SPON1: variants seen among roughly 807,000 people sequenced by gnomAD.
SPON1 encodes the protein spondin-1.
SPON1 carries 52 observed loss-of-function variants against 111.7 expected under a neutral mutation model. That is an observed-to-expected ratio of 0.47 (90% CI 0.37 to 0.59). The LOEUF is 0.59. Among genes scored for constraint, SPON1 ranks in the 20% least tolerant of loss-of-function variants. The pLI is 0.00. For synonymous variants in SPON1, 410 were observed against 395.8 expected, an observed-to-expected ratio of 1.04 and a Z score of -0.43; for missense variants, 957 against 1,068.5, an observed-to-expected ratio of 0.90 and a Z score of 1.46.
chr11:14,192,374 T>C (rs1848355592), intron 6 of SPON1, among the ~76,000 whole-genome samples: 1 of 152,180 alleles, frequency 6.6e-6, no homozygotes. Flanking sequence ...AGATGCTCCA[T>C]AAATATTTGT....
intron 3 of SPON1, among the ~76,000 whole-genome samples, chr11:14,055,201 C>G (rs11023068): frequency 6.6e-6 from 1 of 152,172 alleles, no homozygotes; most frequent in Non-Finnish European, 1.5e-5. Context: ...TCCTATCTTT[C>G]TATTTGTTTC....
chr11:14,172,340 G>C lies in SPON1; in HGVS notation c.825+36772G>C, dbSNP rs1324127871. Among the ~76,000 whole-genome samples, 3 of 151,724 alleles carry C rather than the reference G, an allele frequency of 2.0e-5. No homozygotes were observed. The East Asian group carries it at 5.8e-4, about 29-fold the overall frequency. On this transcript the variant is annotated intron_variant, in intron 6 of 15. Coordinates refer to ENST00000576479, the MANE Select transcript of SPON1 (RefSeq NM_006108.4). ...CCCTGCCTTTTTTTGTTTTCCATTT[G>C]CTTGGTAGATCTTCCTCCATCCCTT...
At chr11:14,027,448 T>C (rs1348788018) in intron 2 of SPON1, among the ~76,000 whole-genome samples, 3 of 152,184 alleles carry the variant, frequency 2.0e-5, no homozygotes, top group East Asian at 1.9e-4. Context: ...GAAAACACCA[T>C]CCCTTCTCAG....
At chr11:14,086,852 A>T (rs1210723336) in intron 5 of SPON1, among the ~76,000 whole-genome samples, 1 of 152,114 alleles carries the variant, frequency 6.6e-6, no homozygotes, top group African/African-American at 2.4e-5. Flanking sequence ...CAGGGATTCA[A>T]CTTCTTCCTG....
At chr11:14,065,358 A>T (rs1554920263) in intron 3 of SPON1, among the ~76,000 whole-genome samples, 1 of 152,130 alleles carries the variant, frequency 6.6e-6, no homozygotes, top group East Asian at 1.9e-4. Flanking sequence ...ACTTGCATGA[A>T]CCCAGCCAAG....
intron 5 of SPON1, chr11:14,134,838 C>T (rs1290280033): frequency 1.3e-5 from 2 of 152,232 alleles, no homozygotes; most frequent in Non-Finnish European, 2.9e-5. Context: ...ACTCCTGAAG[C>T]ATTTAGAGCA....
chr11:14,025,769 G>C (rs1240377924), intron 2 of SPON1, among the ~76,000 whole-genome samples: 1 of 152,164 alleles, frequency 6.6e-6, no homozygotes, highest in East Asian at 1.9e-4. Flanking sequence ...AGTAGGACTA[G>C]TCCAGGAACA....
At chr11:14,024,789 A>G (rs1226053876) in intron 2 of SPON1, among the ~76,000 whole-genome samples, 3 of 152,194 alleles carry the variant, frequency 2.0e-5, no homozygotes, top group Non-Finnish European at 4.4e-5. Context: ...TTCTCTACCC[A>G]GGGCTTCCCT....
rs985745107 is a variant in SPON1 at position 13,994,288 on chromosome 11, T to C, written c.345+11335T>C. ...TTTTTAAAACTGCCATTCACTATTA[T>C]AAATAATGGAGTAGAAACAGTTTCT... On this transcript the variant is annotated intron_variant, in intron 2 of 15. Coordinates refer to ENST00000576479, the MANE Select transcript of SPON1 (RefSeq NM_006108.4). Among the ~76,000 whole-genome samples, 64 of 152,244 alleles carry C rather than the reference T, an allele frequency of 4.2e-4. 1 individual carries two copies. Among genetic ancestry groups the C allele is most frequent in the Admixed American group, 2.9e-3 (45 of 15,288 alleles).
chr11:14,077,110 A>G (rs1029387749), intron 4 of SPON1, among the ~76,000 whole-genome samples: 1 of 152,178 alleles, frequency 6.6e-6, no homozygotes, highest in Non-Finnish European at 1.5e-5. Flanking sequence ...AATGCCTTAG[A>G]CAAGTCTTCA....
intron 2 of SPON1, among the ~76,000 whole-genome samples, chr11:13,989,169 G>A (rs61597781): frequency 2.0e-4 from 30 of 152,028 alleles, no homozygotes; most frequent in African/African-American, 6.0e-4. Flanking sequence ...CTGTGAATCC[G>A]TCTGGTCCTG....
chr11:14,261,029 A>G (rs1443976167), intron 14 of SPON1, among the ~76,000 whole-genome samples: 1 of 151,952 alleles, frequency 6.6e-6, no homozygotes, highest in Non-Finnish European at 1.5e-5. Context: ...AGCTCAATAA[A>G]CCTTAGTTCT....
intron 6 of SPON1, among the ~76,000 whole-genome samples, chr11:14,180,989 C>A (rs1295412322): frequency 6.6e-6 from 1 of 152,182 alleles, no homozygotes; most frequent in Non-Finnish European, 1.5e-5. Context: ...CTACCCCCTG[C>A]CCCAGCTGGC....
chr11:14,047,606 A>C (rs143328201), intron 3 of SPON1, among the ~76,000 whole-genome samples: 43 of 152,288 alleles, frequency 2.8e-4, no homozygotes, highest in African/African-American at 1.0e-3. Context: ...AGAGGAGATG[A>C]ATGAGGAATG....
At chr11:14,087,661 A>T (rs1323503527) in intron 5 of SPON1, among the ~76,000 whole-genome samples, 1 of 152,172 alleles carries the variant, frequency 6.6e-6, no homozygotes, top group Non-Finnish European at 1.5e-5. Flanking sequence ...TATTAGGTCC[A>T]CTTGGTCCAG....
At chr11:14,191,222 A>G (rs1848344606) in intron 6 of SPON1, among the ~76,000 whole-genome samples, 1 of 152,160 alleles carries the variant, frequency 6.6e-6, no homozygotes, top group Non-Finnish European at 1.5e-5. Flanking sequence ...AGGGAATCCA[A>G]TGCCTGCCCC....
intron 6 of SPON1, among the ~76,000 whole-genome samples, chr11:14,239,755 AT>A (rs782488667): frequency 4.6e-5 from 7 of 152,214 alleles, no homozygotes; most frequent in African/African-American, 7.2e-5. Flanking sequence ...GAGCTAGTAA[AT>A]GGTACCATTA....
At chr11:14,255,853 C>T (rs1314312933) in intron 9 of SPON1, 66 bp downstream of exon 9, 10 of 1,535,192 alleles carry the variant, frequency 6.5e-6, no homozygotes, top group Non-Finnish European at 8.9e-6. Context: ...GATTGTACAC[C>T]CTTCTGCTCT....
In SPON1 at chr11:14,043,876, A is replaced by G. The variant is rs1367261969; in HGVS notation, c.479+2222A>G. Among the ~76,000 whole-genome samples, 5 of 152,368 alleles carry G rather than the reference A, an allele frequency of 3.3e-5. No individual in the cohort carries two copies. The East Asian group carries it at 5.8e-4, about 18-fold the overall frequency. On this transcript the variant is annotated intron_variant, in intron 3 of 15. Transcript: ENST00000576479. ...TTTGCTCATTCTTCCAACAAATGCA[A>G]CTGAGCTTCTATTAGCCCAGGCATC...
Sources: allele counts gnomAD v4.1 joint callset (sites outside exome capture counted in the v4.1 genomes callset), GRCh38; gene constraint gnomAD v4.1.1; transcripts MANE v1.5; gene names NCBI Gene and HGNC (gene_info 2026-07-23, HGNC 2026-07-21).